IKZF2: variants seen among roughly 807,000 people sequenced by gnomAD.
IKZF2 encodes zinc finger protein Helios.
IKZF2 carries 15 observed loss-of-function variants against 49.2 expected under a neutral mutation model. The ratio of observed to expected loss-of-function variants is 0.30; its 90% CI spans 0.20 to 0.47. The LOEUF is 0.47. IKZF2 is among the 20% of genes least tolerant of loss of function. The pLI, the probability that IKZF2 is intolerant of heterozygous loss-of-function variation, is 1.00. For synonymous variants in IKZF2, 227 were observed against 221.4 expected, an observed-to-expected ratio of 1.03 and a Z score of -0.23; for missense variants, 567 against 664.6, an observed-to-expected ratio of 0.85 and a Z score of 1.61.
rs1455381704 is a variant in IKZF2 at position 213,007,785 on chromosome 2, G to C, written c.1156C>G (p.Leu386Val). 6.2e-7 allele frequency: 1 copy of C among 1,613,544 alleles called. No individual in the cohort carries two copies. Among genetic ancestry groups the C allele is most frequent in the Non-Finnish European group, 8.5e-7 (1 of 1,179,762 alleles). ...TGGGGTCGACTCTTTGGTCTGATGAGAGAGATGGGGCCATCCATGTTGTTT... is the reference window on the plus strand; with the variant it reads ...TGGGGTCGACTCTTTGGTCTGATGACAGAGATGGGGCCATCCATGTTGTTT... ...HENNMDGPIS[L>V]IRPKSRPQER... is the part of the protein sequence containing the mutation. The change falls in exon 9 of 9, where the codon CTC (leucine) becomes GTC (valine). Residue 386 changes from leucine (L) to valine (V), a missense_variant. This residue lies in a region of IKZF2 where 310 missense variants were observed against 326.9 expected (regional missense o/e 0.95). Coordinates refer to ENST00000434687, the MANE Select transcript of IKZF2 (RefSeq NM_001387220.1).
chr2:213,053,602 A>C (rs1017104966), intron 5 of IKZF2, among the ~76,000 whole-genome samples: 9 of 152,162 alleles, frequency 5.9e-5, no homozygotes, highest in Non-Finnish European at 1.2e-4. Flanking sequence ...AATGTACAAA[A>C]TACGGTGCTG....
intron 4 of IKZF2, among the ~76,000 whole-genome samples, chr2:213,081,776 A>G (rs1301003035): frequency 6.6e-6 from 1 of 152,180 alleles, no homozygotes; most frequent in Non-Finnish European, 1.5e-5. Flanking sequence ...CCATAAAATC[A>G]TGCCCTGAGG....
chr2:213,108,077 A>T (rs187865609), intron 4 of IKZF2, among the ~76,000 whole-genome samples: 98 of 152,280 alleles, frequency 6.4e-4, no homozygotes, highest in Non-Finnish European at 8.5e-4. Context: ...TGAAATTACT[A>T]TGGAGCAACC....
At chr2:213,062,424 T>A (rs1010340373) in intron 4 of IKZF2, among the ~76,000 whole-genome samples, 1 of 151,854 alleles carries the variant, frequency 6.6e-6, no homozygotes, top group Non-Finnish European at 1.5e-5. Context: ...ATAAGCTTTC[T>A]AGTTTAATTT....
intron 6 of IKZF2, among the ~76,000 whole-genome samples, chr2:213,047,067 T>C (rs1364214475): frequency 6.6e-6 from 1 of 152,104 alleles, no homozygotes; most frequent in East Asian, 1.9e-4. Context: ...TTTGACTCTT[T>C]CCAACATGGA....
At chr2:213,108,012 A>T (rs1292034318) in intron 4 of IKZF2, among the ~76,000 whole-genome samples, 6 of 152,142 alleles carry the variant, frequency 3.9e-5, no homozygotes, top group Admixed American at 3.3e-4. Context: ...CGGCCGTGAA[A>T]CCCTACTGAG....
At chr2:213,103,227 T>C (rs762368427) in intron 4 of IKZF2, among the ~76,000 whole-genome samples, 5 of 152,106 alleles carry the variant, frequency 3.3e-5, no homozygotes, top group African/African-American at 1.2e-4. Flanking sequence ...GGGTAAACAA[T>C]GATAAATTGT....
chr2:213,142,221 C>T (rs555513457), intron 4 of IKZF2, among the ~76,000 whole-genome samples: 172 of 151,920 alleles, frequency 1.1e-3, no homozygotes, highest in African/African-American at 4.1e-3. Context: ...GAATGTTGAG[C>T]GCCACCCCCC....
intron 4 of IKZF2, among the ~76,000 whole-genome samples, chr2:213,119,149 G>C (rs980545792): frequency 6.6e-6 from 1 of 152,196 alleles, no homozygotes; most frequent in Non-Finnish European, 1.5e-5. Context: ...AGGCAGGCAG[G>C]ACTGAGCAGG....
intron 4 of IKZF2, among the ~76,000 whole-genome samples, chr2:213,125,472 G>A (rs888989873): frequency 2.6e-5 from 4 of 152,142 alleles, no homozygotes; most frequent in African/African-American, 9.7e-5. Context: ...CCCCCATTCA[G>A]ATGAACCAAA....
chr2:213,016,144 C>T (rs773313725), intron 7 of IKZF2, among the ~76,000 whole-genome samples: 20 of 152,044 alleles, frequency 1.3e-4, no homozygotes, highest in African/African-American at 2.7e-4. Context: ...TAATAACTGA[C>T]GTATACTATG....
chr2:213,081,551 A>G (rs1158470107), intron 4 of IKZF2, among the ~76,000 whole-genome samples: 1 of 152,170 alleles, frequency 6.6e-6, no homozygotes, highest in Non-Finnish European at 1.5e-5. Flanking sequence ...ATGATCAAAG[A>G]AGTTTGGGTA....
In IKZF2 at chr2:213,052,734, T is replaced by C. The variant is rs1700790927; in HGVS notation, c.407-2854A>G. 3.9e-5 allele frequency among the ~76,000 whole-genome samples: 6 copies of C among 152,204 alleles called. No homozygotes were observed. In the South Asian group the frequency reaches 1.2e-3, roughly 32 times the overall value. ...AATATAGAAGTAATATCCATATCTG[T>C]CTAATAACAAATAAAAAGTGAATTG... On this transcript the variant is annotated intron_variant, in intron 5 of 8. Transcript: ENST00000434687.
At chr2:213,008,111 G>GT (rs1695546898) in intron 8 of IKZF2, 27 bp from the exon 9 acceptor site, 1 of 1,274,870 alleles carries the variant, frequency 7.8e-7, no homozygotes, top group African/African-American at 1.9e-5. Context: ...GGTGAAAGAA[G>GT]TAAAAAAAAA....
At position 213,000,896 on chromosome 2, in the gene IKZF2, T is replaced by C. The variant is rs1201281541; in HGVS notation, c.*6464A>G. The stretch of plus-strand genomic sequence containing the variant: ...CATTTTTCAAGCAAAAGATTACTAA[T>C]TTCCATGGAAATTTAGCTTAAATAA... On this transcript the variant is annotated 3_prime_UTR_variant, in exon 9 of 9. Transcript: ENST00000434687. The C allele has an allele frequency of 1.3e-5, 2 of 151,602 alleles. No individual in the cohort carries two copies. Among genetic ancestry groups the C allele is most frequent in the Non-Finnish European group, 3.0e-5 (2 of 67,612 alleles). The allele number at this position is 151,602 out of a possible 1,614,324, so 9.4% of individuals were successfully genotyped here. A position where few individuals can be genotyped will look rare whatever the true frequency, so the allele number is the denominator to read the frequency against.
At chr2:213,047,234 C>A (rs182969188) in intron 6 of IKZF2, among the ~76,000 whole-genome samples, 2 of 152,096 alleles carry the variant, frequency 1.3e-5, no homozygotes, top group Non-Finnish European at 2.9e-5. Context: ...TATGGCAAGA[C>A]AAATACAATT....
At chr2:213,018,884 A>C (rs1191014721) in intron 7 of IKZF2, among the ~76,000 whole-genome samples, 2 of 152,196 alleles carry the variant, frequency 1.3e-5, no homozygotes, top group African/African-American at 4.8e-5. Flanking sequence ...TGCATGTAAG[A>C]AGCCTCTCTT....
intron 4 of IKZF2, among the ~76,000 whole-genome samples, chr2:213,111,041 G>A (rs1346997505): frequency 6.6e-6 from 1 of 151,936 alleles, no homozygotes; most frequent in Non-Finnish European, 1.5e-5. Context: ...GTCATCATAT[G>A]AGTTGCAAAT....
chr2:213,044,297 C>T (rs1263163459), intron 6 of IKZF2, among the ~76,000 whole-genome samples: 2 of 152,162 alleles, frequency 1.3e-5, no homozygotes, highest in East Asian at 3.8e-4. Context: ...TGTAGACTAC[C>T]CTTATTCCTA....
Sources: gnomAD v4.1 joint callset for allele counts (sites outside exome capture counted in the v4.1 genomes callset) on GRCh38, gnomAD v4.1.1 for gene constraint, gnomAD v4.1.1 regional missense constraint, MANE v1.5 for transcripts, NCBI Gene and HGNC (gene_info 2026-07-23, HGNC 2026-07-21) for gene names.